Variants in ZNF385D observed in about 807,000 individuals in gnomAD.
The protein encoded by ZNF385D is zinc finger protein 659.
Under a neutral mutation model 35.8 loss-of-function variants are expected in ZNF385D, and 15 were observed. The ratio of observed to expected loss-of-function variants is 0.42; its 90% confidence interval spans 0.28 to 0.64. The LOEUF (loss-of-function observed/expected upper bound fraction) is 0.64. ZNF385D is among the 30% of genes least tolerant of loss of function. The probability of loss-of-function intolerance (pLI) is 0.23; values close to 1 mark genes in which losing one functional copy is unlikely to be tolerated. For synonymous variants in ZNF385D, 212 were observed against 186.8 expected (o/e 1.13, Z -1.10); for missense variants, 474 against 494.6 (o/e 0.96, Z 0.39).
At chr3:21,740,549 A>T (rs1260683713) in intron 1 of ZNF385D, among the ~76,000 whole-genome samples, 1 of 152,160 alleles carries the variant, frequency 6.6e-6, no homozygotes, top group Admixed American at 6.5e-5. Context: ...AGTAGAAAGG[A>T]AGGGTTCCCA....
intron 4 of ZNF385D, among the ~76,000 whole-genome samples, chr3:21,494,966 A>G (rs942665710): frequency 6.6e-6 from 1 of 152,154 alleles, no homozygotes; most frequent in Non-Finnish European, 1.5e-5. Flanking sequence ...CTAGACGTTC[A>G]TGGCACTGTA....
chr3:21,540,743 A>C (rs922024126), intron 3 of ZNF385D, among the ~76,000 whole-genome samples: 6 of 152,228 alleles, frequency 3.9e-5, no homozygotes, highest in African/African-American at 1.4e-4. Flanking sequence ...ATAAAGAGTA[A>C]CCACATACCC....
chr3:22,091,741 CT>C (rs1701342709), intron 3 of ZNF385D, among the ~76,000 whole-genome samples: 1 of 152,182 alleles, frequency 6.6e-6, no homozygotes, highest in Non-Finnish European at 1.5e-5. Context: ...TATGGTAAAT[CT>C]TTCAAGACTA....
exon 3 of ZNF385D, chr3:22,168,968 T>C (rs1706512702): frequency 1.0e-6 from 1 of 985,738 alleles, no homozygotes; most frequent in Admixed American, 6.1e-5. Flanking sequence ...TTTCTCTTTC[T>C]GGTTTTTCTT....
intron 2 of ZNF385D, among the ~76,000 whole-genome samples, chr3:22,191,405 T>C (rs1205430844): frequency 6.6e-6 from 1 of 151,708 alleles, no homozygotes; most frequent in East Asian, 1.9e-4. Context: ...AAGAATTGTT[T>C]GAACCTGGGA....
At chr3:21,694,274 A>G (rs1003165593) in intron 1 of ZNF385D, among the ~76,000 whole-genome samples, 33 of 151,804 alleles carry the variant, frequency 2.2e-4, no homozygotes, top group African/African-American at 8.0e-4. Flanking sequence ...TGACCTCATG[A>G]TCCACCCACC....
intron 2 of ZNF385D, among the ~76,000 whole-genome samples, chr3:22,264,878 A>G (rs1321874211): frequency 6.6e-6 from 1 of 151,918 alleles, no homozygotes; most frequent in African/African-American, 2.4e-5. Context: ...TATAAGACAA[A>G]GGATTTAAAT....
At chr3:22,331,736 T>C (rs1050754581) in intron 2 of ZNF385D, among the ~76,000 whole-genome samples, 3 of 152,150 alleles carry the variant, frequency 2.0e-5, no homozygotes, top group Non-Finnish European at 4.4e-5. Context: ...TTGCTAGGGA[T>C]TTCTTGAGAA....
chr3:22,177,118 G>A (rs1167145489), intron 2 of ZNF385D, among the ~76,000 whole-genome samples: 1 of 152,058 alleles, frequency 6.6e-6, no homozygotes, highest in Admixed American at 6.6e-5. Context: ...GATCCCCCTG[G>A]AGTTATGCCA....
intron 3 of ZNF385D, among the ~76,000 whole-genome samples, chr3:22,008,383 C>G (rs935618012): frequency 6.1e-5 from 2 of 32,548 alleles, no homozygotes; most frequent in African/African-American, 4.8e-4. Context: ...GAGGCGGAGT[C>G]TCGCTGTTGC....
intron 3 of ZNF385D, among the ~76,000 whole-genome samples, chr3:21,995,569 C>A (rs1378057372): frequency 6.6e-6 from 1 of 152,080 alleles, no homozygotes; most frequent in East Asian, 1.9e-4. Context: ...GTGCTGGTGG[C>A]AGTGATGAGT....
Position 21,509,107 on chromosome 3 carries a change from C to CAT in ZNF385D, c.439+1752_439+1753dup, listed in dbSNP as rs200308544. Among the ~76,000 whole-genome samples the CAT allele has an allele frequency of 4.6e-4, 70 of 151,978 alleles. No homozygotes were observed. The East Asian group carries it at 0.012, about 26-fold the overall frequency. Reference sequence around the variant, plus strand: ...CAAGTTAGCAGCTCTACCTACCACACATATATATATTTTTAAATGATGTGC... The same window carrying CAT: ...CAAGTTAGCAGCTCTACCTACCACACATATATATATATTTTTAAATGATGTGC... On this transcript the variant is annotated intron_variant, in intron 4 of 7. Transcript: ENST00000281523.
At chr3:22,348,894 C>A (rs923516047) in intron 2 of ZNF385D, among the ~76,000 whole-genome samples, 4 of 152,058 alleles carry the variant, frequency 2.6e-5, no homozygotes, top group Non-Finnish European at 5.9e-5. Context: ...ACAGCCCTGG[C>A]AAACTAATAC....
intron 3 of ZNF385D, among the ~76,000 whole-genome samples, chr3:22,050,755 AT>A (rs1475386934): frequency 6.6e-6 from 1 of 152,212 alleles, no homozygotes; most frequent in Non-Finnish European, 1.5e-5. Context: ...TGTATTATGT[AT>A]TTGTTTAAAA....
chr3:22,026,801 A>G (rs1189563653), intron 3 of ZNF385D, among the ~76,000 whole-genome samples: 1 of 152,206 alleles, frequency 6.6e-6, no homozygotes, highest in Non-Finnish European at 1.5e-5. Flanking sequence ...CATTAGTGCC[A>G]CCATCAAGGA....
chr3:22,188,445 G>A (rs1695788435), intron 2 of ZNF385D, among the ~76,000 whole-genome samples: 2 of 137,548 alleles, frequency 1.5e-5, no homozygotes, highest in Non-Finnish European at 3.1e-5. Context: ...ACAAATACGT[G>A]TGTATACTAT....
intron 3 of ZNF385D, among the ~76,000 whole-genome samples, chr3:21,969,457 C>T (rs912581759): frequency 1.3e-5 from 2 of 152,188 alleles, no homozygotes; most frequent in Non-Finnish European, 2.9e-5. Flanking sequence ...TTCTCTTTGT[C>T]TTCAGCCATG....
At chr3:21,507,617 T>C (rs1706879542) in intron 4 of ZNF385D, among the ~76,000 whole-genome samples, 2 of 152,172 alleles carry the variant, frequency 1.3e-5, no homozygotes, top group Admixed American at 6.5e-5. Flanking sequence ...TCCTTTTGTT[T>C]TGAGATGAGG....
At position 21,460,931 on chromosome 3, in the gene ZNF385D, T is replaced by C. The variant is rs563695111; in HGVS notation, c.440-23728A>G. On this transcript the variant is annotated intron_variant, in intron 4 of 7. Coordinates refer to ENST00000281523, the MANE Select transcript of ZNF385D (RefSeq NM_024697.3). ...AATCTCTAGGATTTGTTTAGCACTG[T>C]ACAGTGTGCTAAATGTTTTTCTACC... 1.9e-3 allele frequency among the ~76,000 whole-genome samples: 286 copies of C among 152,276 alleles called. 4 individuals are homozygous for C. The highest frequency in any genetic ancestry group is 0.016 in the South Asian group (79 of 4,830).
Sources: gnomAD v4.1 joint callset for allele counts (sites outside exome capture counted in the v4.1 genomes callset) on GRCh38, gnomAD v4.1.1 for gene constraint, MANE v1.5 for transcripts, NCBI Gene and HGNC (gene_info 2026-07-23, HGNC 2026-07-21) for gene names.